POC1B: variants seen among roughly 807,000 people sequenced by gnomAD.
The protein encoded by POC1B is POC1 centriolar protein homolog B.
In POC1B, 44 loss-of-function variants were observed where a neutral mutation model predicts 60.6. That is an observed-to-expected ratio of 0.73 (90% CI 0.57 to 0.93). The LOEUF is 0.93. Ranked by LOEUF, POC1B falls within the 40% of genes least tolerant of loss-of-function variation. The pLI, the probability that POC1B is intolerant of heterozygous loss-of-function variation, is 0.00. For missense variants in POC1B, 555 were observed against 572.3 expected (o/e 0.97, Z 0.31); for synonymous variants, 180 against 198.9 (o/e 0.90, Z 0.80).
rs1592646338 is a variant in POC1B at position 89,519,505 on chromosome 12, G to T, written c.100+5615C>A. On this transcript the variant is annotated intron_variant, in intron 2 of 11. Coordinates refer to ENST00000313546, the MANE Select transcript of POC1B (RefSeq NM_172240.3). ...AAGTCAGAAACAACTCATCACAGAG[G>T]AAAAAAACATCATTCAGAAGAGATT... 2.7e-5 allele frequency: 4 copies of T among 150,776 alleles called. No homozygotes were observed. The East Asian group carries it at 7.7e-4, about 29-fold the overall frequency. The allele number at this position is 150,776 out of a possible 1,614,324, so 9.3% of individuals were successfully genotyped here.
At chr12:89,475,344 C>A (rs183067805) in intron 4 of POC1B, among the ~76,000 whole-genome samples, 256 of 152,252 alleles carry the variant, frequency 1.7e-3, no homozygotes, top group Middle Eastern at 0.014. Flanking sequence ...TGGGAAGAAC[C>A]TGGTGCCAGA....
intron 5 of POC1B, 131 bp from the exon 6 acceptor site, chr12:89,471,860 T>C: frequency 1.7e-6 from 1 of 593,692 alleles, no homozygotes; most frequent in South Asian, 2.2e-5. Flanking sequence ...CTCCGCCTCC[T>C]GGGTTCAAGT....
intron 2 of POC1B, chr12:89,500,832 CAG>C: frequency 9.6e-7 from 1 of 1,044,188 alleles, no homozygotes; most frequent in Non-Finnish European, 1.4e-6. Flanking sequence ...AGGATCATCT[CAG>C]AATAGAATAC....
intron 2 of POC1B, chr12:89,522,682 G>C: frequency 8.2e-7 from 1 of 1,223,566 alleles, no homozygotes; most frequent in South Asian, 2.0e-5. Flanking sequence ...ATGAACCCCA[G>C]CTTTCCAGTG....
At chr12:89,435,295 C>G (rs1349738893) in intron 10 of POC1B, among the ~76,000 whole-genome samples, 2 of 150,196 alleles carry the variant, frequency 1.3e-5, no homozygotes, top group East Asian at 4.0e-4. Context: ...ATTCTCTTGT[C>G]TCAGCCTCCT....
At chr12:89,525,779 G>T in intron 1 of POC1B, 102 bp downstream of exon 1, 1 of 1,377,558 alleles carries the variant, frequency 7.3e-7, no homozygotes, top group Non-Finnish European at 9.5e-7. Flanking sequence ...ACGGACACCT[G>T]CCTCCATCTC....
At chr12:89,483,203 G>C (rs1442794892) in intron 4 of POC1B, among the ~76,000 whole-genome samples, 2 of 152,132 alleles carry the variant, frequency 1.3e-5, no homozygotes, top group African/African-American at 2.4e-5. Context: ...TGTCCGACAT[G>C]CTATTCTTTT....
At chr12:89,422,239 C>T (rs1880571223) in intron 11 of POC1B, among the ~76,000 whole-genome samples, 1 of 152,188 alleles carries the variant, frequency 6.6e-6, no homozygotes, top group African/African-American at 2.4e-5. Flanking sequence ...CCCTCTGTAA[C>T]AGCCACTATC....
chr12:89,524,926 C>G lies in POC1B; in HGVS notation c.100+194G>C, dbSNP rs1187701119. ...GCTGGATAGGAGGCTCTTGGCCGGG[C>G]CGGGGGCTGGGGGCCGGGATGGCAG... is the stretch of plus-strand genomic sequence containing the variant. On this transcript the variant is annotated intron_variant, in intron 2 of 11. Transcript: ENST00000313546. The G allele has an allele frequency of 1.3e-5, 12 of 889,700 alleles. No homozygotes were observed. In the East Asian group the frequency reaches 3.2e-4, roughly 24 times the overall value. The allele number at this position is 889,700 out of a possible 1,614,324, so 55.1% of individuals were successfully genotyped here.
intron 10 of POC1B, among the ~76,000 whole-genome samples, chr12:89,452,790 GA>G (rs1176058033): frequency 2.0e-5 from 3 of 149,556 alleles, no homozygotes; most frequent in Admixed American, 6.7e-5. Context: ...TATCTATCTT[GA>G]AAAAAAAATA....
intron 10 of POC1B, among the ~76,000 whole-genome samples, chr12:89,435,232 G>A (rs968120758): frequency 6.9e-6 from 1 of 145,302 alleles, no homozygotes; most frequent in Non-Finnish European, 1.5e-5. Flanking sequence ...CCAGGCTGGA[G>A]TGCAGTGGTG....
chr12:89,493,233 G>A (rs938829779), intron 3 of POC1B, among the ~76,000 whole-genome samples: 8 of 152,286 alleles, frequency 5.3e-5, no homozygotes, highest in Middle Eastern at 3.4e-3. Flanking sequence ...TTGCTACAAC[G>A]ATTTTGCTTA....
intron 2 of POC1B, chr12:89,524,599 G>A (rs1871251376): frequency 3.1e-6 from 5 of 1,591,460 alleles, no homozygotes; most frequent in Non-Finnish European, 4.3e-6. Context: ...CCACCACGCA[G>A]GGGAAGGGCG....
At chr12:89,476,778 A>G (rs952179011) in intron 4 of POC1B, among the ~76,000 whole-genome samples, 2 of 150,920 alleles carry the variant, frequency 1.3e-5, no homozygotes, top group Non-Finnish European at 3.0e-5. Context: ...AGACAGACAG[A>G]CACTTTTATA....
chr12:89,433,043 C>T (rs1470057715), intron 10 of POC1B, among the ~76,000 whole-genome samples: 1 of 152,196 alleles, frequency 6.6e-6, no homozygotes, highest in Non-Finnish European at 1.5e-5. Flanking sequence ...GTGCCACACA[C>T]AGGTGGACCG....
chr12:89,437,583 G>A (rs757383830), intron 10 of POC1B, among the ~76,000 whole-genome samples: 2 of 151,774 alleles, frequency 1.3e-5, no homozygotes, highest in African/African-American at 2.4e-5. Context: ...CAAATTCTCC[G>A]GGTACATATT....
chr12:89,418,343 G>A (rs1024756485), downstream of POC1B, among the ~76,000 whole-genome samples: 8 of 152,270 alleles, frequency 5.3e-5, no homozygotes, highest in Middle Eastern at 3.4e-3. Context: ...GAAGGAAAGG[G>A]AAGTTTAAAG....
chr12:89,465,509 GA>G (rs1882652011), intron 9 of POC1B, among the ~76,000 whole-genome samples: 1 of 151,258 alleles, frequency 6.6e-6, no homozygotes, highest in South Asian at 2.1e-4. Context: ...GATAATACAA[GA>G]AAAAAATACT....
chr12:89,524,109 G>C (rs748896616), intron 2 of POC1B: 14 of 1,613,870 alleles, frequency 8.7e-6, no homozygotes, highest in Non-Finnish European at 1.2e-5. Flanking sequence ...AAGTCGACCA[G>C]GCTTCGTTAT....
Sources: gnomAD v4.1 joint callset for allele counts (sites outside exome capture counted in the v4.1 genomes callset) on GRCh38, gnomAD v4.1.1 for gene constraint, MANE v1.5 for transcripts, NCBI Gene and HGNC (gene_info 2026-07-23, HGNC 2026-07-21) for gene names.